The following DDX5 variants were observed in gnomAD, a reference collection of about 807,000 sequenced individuals.
DDX5 encodes the protein DEAD-box helicase 5.
Under a neutral mutation model 68.6 loss-of-function variants are expected in DDX5, and 6 were observed. That is an observed-to-expected ratio of 0.09 (90% CI 0.05 to 0.17). The LOEUF (loss-of-function observed/expected upper bound fraction) is 0.17. Ranked by LOEUF, DDX5 falls within the 10% of genes least tolerant of loss-of-function variation. DDX5 has a pLI of 1.00. For missense variants in DDX5, 499 were observed against 756.1 expected (o/e 0.66, Z 3.99); for synonymous variants, 350 against 247.0 (o/e 1.42, Z -3.91).
rs764832780 is a variant in DDX5 at position 64,502,559 on chromosome 17, GGAGA to G, written c.984-14_984-11del. The G allele has an allele frequency of 4.2e-4, 668 of 1,585,394 alleles. 3 individuals are homozygous for G. The highest frequency in any genetic ancestry group is 5.4e-4 in the Non-Finnish European group (623 of 1,156,756). The stretch of plus-strand genomic sequence containing the variant: ...CATTAGACGAATAAGTCTAATAATA[GGAGA>G]GAGAAAGGAAAAATCCTGAGTTTTA... On this transcript the variant is annotated splice_polypyrimidine_tract_variant and intron_variant, in intron 8 of 12. Coordinates refer to ENST00000225792, the MANE Select transcript of DDX5 (RefSeq NM_004396.5).
In DDX5 at chr17:64,500,608, C is replaced by A. The variant is rs559742081; in HGVS notation, c.1382G>T (p.Arg461Leu). 1 of 1,614,164 alleles carries A rather than the reference C, an allele frequency of 6.2e-7. No homozygotes were observed. The highest frequency in any genetic ancestry group is 8.5e-7 in the Non-Finnish European group (1 of 1,180,038). ...GGGATTAATTGCTTGATTAGCTTCA[C>A]GAAGCACAGAGATAAGGTCGCTCAC... The part of the protein sequence containing the change: ...KQVSDLISVL[R>L]EANQAINPKL... Residue 461 changes from arginine to leucine, a missense_variant, in exon 12 of 13, where the codon CGT (arginine) becomes CTT (leucine). Transcript: ENST00000225792.
At chr17:64,505,371 A>C in intron 1 of DDX5, 5 of 433,894 alleles carry the variant, frequency 1.2e-5, no homozygotes, top group African/African-American at 4.0e-5. Context: ...ACGCCGCGGT[A>C]GAGCTCCGGA....
chr17:64,505,912 C>G (rs1302131564), intron 1 of DDX5, 164 bp downstream of exon 1: 19 of 1,534,356 alleles, frequency 1.2e-5, no homozygotes, highest in Non-Finnish European at 1.7e-5. Flanking sequence ...CTCTTCCAAT[C>G]ACTGTGACGT....
chr17:64,501,961 A>T, intron 11 of DDX5, 49 bp downstream of exon 11: 1 of 1,574,644 alleles, frequency 6.4e-7, no homozygotes, highest in Non-Finnish European at 8.7e-7. Flanking sequence ...AAAAAAGTTA[A>T]ATGGAGATCT....
At chr17:64,506,616 C>G, upstream of DDX5, 2 of 397,596 alleles carry the variant, frequency 5.0e-6, no homozygotes, top group South Asian at 2.7e-5. Flanking sequence ...TCCAAAGAGC[C>G]CTCACGTCTG....
chr17:64,505,571 C>A, intron 1 of DDX5: 2 of 684,628 alleles, frequency 2.9e-6, no homozygotes, highest in South Asian at 1.7e-5. Flanking sequence ...CTCCGCCGGG[C>A]GGGGTAACAA....
In DDX5 at chr17:64,503,190, T is replaced by G; in HGVS notation, c.808A>C (p.Arg270=). ...CACATATTTCAAAGGACACTTACTC[T>G]TATTTGATCCACAATCTTCCTTATT... is the stretch of plus-strand genomic sequence containing the variant. ...PQIRKIVDQI[R]PDRQTLMWSA... is the part of the protein sequence containing the mutation. The change falls in exon 7 of 13, where the codon AGA becomes CGA. Residue 270 remains arginine (R), a splice_region_variant and synonymous_variant. Coordinates refer to ENST00000225792, the MANE Select transcript of DDX5 (RefSeq NM_004396.5). The G allele has an allele frequency of 6.2e-7, 1 of 1,614,110 alleles. No individual in the cohort carries two copies. Among genetic ancestry groups the G allele is most frequent in the Non-Finnish European group, 8.5e-7 (1 of 1,179,984 alleles).
At chr17:64,506,427 C>T (rs9905185), upstream of DDX5, 1,200 of 1,366,552 alleles carry the variant, frequency 8.8e-4, 24 homozygotes, top group East Asian at 0.034. Context: ...CCAGGATCGC[C>T]GCGCTTTCAC....
intron 2 of DDX5, 158 bp from the exon 3 acceptor site, chr17:64,504,476 A>T (rs77469032): frequency 2.0e-5 from 18 of 911,012 alleles, no homozygotes; most frequent in Non-Finnish European, 2.9e-5. Context: ...GAAAAAAAAA[A>T]TTTATTGTTA....
intron 1 of DDX5, 164 bp from the exon 2 acceptor site, chr17:64,505,006 A>G: frequency 1.7e-6 from 1 of 589,474 alleles, no homozygotes; most frequent in Non-Finnish European, 2.8e-6. Flanking sequence ...CAACAGCCAC[A>G]GTTAACATTT....
At chr17:64,504,167 AG>A (rs782345449) in intron 3 of DDX5, 51 bp from the exon 4 acceptor site, 3 of 1,612,558 alleles carry the variant, frequency 1.9e-6, no homozygotes, top group South Asian at 1.1e-5. Flanking sequence ...CAAGAAAAAG[AG>A]GGGGTAGGTG....
At chr17:64,506,035 C>T (rs575772696) in intron 1 of DDX5, 41 bp downstream of exon 1, 2 of 1,300,208 alleles carry the variant, frequency 1.5e-6, no homozygotes, top group African/African-American at 3.0e-5. Flanking sequence ...CCCTCCCATC[C>T]CCCCACCCGC....
Position 64,504,125 on chromosome 17 carries a change from AG to A in DDX5, c.308-10del. On this transcript the variant is annotated splice_polypyrimidine_tract_variant and intron_variant, in intron 3 of 12. Coordinates refer to ENST00000225792, the MANE Select transcript of DDX5 (RefSeq NM_004396.5). ...AACATCCATGACATTTGCTATAATTAGTAACAGATATTTAGTAAAAATTAGT... is the reference window on the plus strand; with the variant it reads ...AACATCCATGACATTTGCTATAATTATAACAGATATTTAGTAAAAATTAGT... The A allele has an allele frequency of 6.2e-7, 1 of 1,614,050 alleles. No individual in the cohort carries two copies. Among genetic ancestry groups the A allele is most frequent in the Non-Finnish European group, 8.5e-7 (1 of 1,179,898 alleles).
Position 64,500,549 on chromosome 17 carries a change from C to A in DDX5, c.1441G>T (p.Gly481Cys). 1 of 1,612,492 alleles carries A rather than the reference C, an allele frequency of 6.2e-7. No individual in the cohort carries two copies. The highest frequency in any genetic ancestry group is 8.5e-7 in the Non-Finnish European group (1 of 1,179,028). ...LLQLVEDRGSGRSRGRGGMKD... is the reference protein window; with the variant it reads ...LLQLVEDRGSCRSRGRGGMKD... ...AACATTTCCTATCAGTCATCCTTAC[C>A]TGAACCTCTGTCTTCGACCAACTGA... The change falls in exon 12 of 13, where the codon GGT becomes TGT. Residue 481 changes from glycine (G) to cysteine (C), a missense_variant and splice_region_variant. Gly to Cys is a radical substitution (Grantham distance 159). Transcript: ENST00000225792.
Position 64,500,120 on chromosome 17 carries a change from C to T in DDX5, c.1648G>A (p.Val550Met), listed in dbSNP as rs782807438. 1.2e-6 allele frequency: 2 copies of T among 1,614,208 alleles called. No individual in the cohort carries two copies. Among genetic ancestry groups the T allele is most frequent in the South Asian group, 1.1e-5 (1 of 91,078 alleles). The change falls in exon 13 of 13, where the codon GTG (valine) becomes ATG (methionine). Residue 550 changes from valine to methionine, a missense_variant. Physicochemically the swap from Val to Met is conservative, Grantham distance 21 (BLOSUM62 1). Transcript: ENST00000225792. Reference protein sequence around the residue: ...YTNGSFGSNFVSAGIQTSFRT... With the variant: ...YTNGSFGSNFMSAGIQTSFRT... ...AAACTGGTCTGTATACCAGCAGACACAAAATTACTTCCAAAGCTCCCATTG... is the reference window on the plus strand; with the variant it reads ...AAACTGGTCTGTATACCAGCAGACATAAAATTACTTCCAAAGCTCCCATTG...
Position 64,498,858 on chromosome 17 carries a change from A to C in DDX5, c.*1065T>G, listed in dbSNP as rs2038222892. Among the ~76,000 whole-genome samples the C allele has an allele frequency of 6.6e-6, 1 of 152,200 alleles. No homozygotes were observed. The highest frequency in any genetic ancestry group is 1.5e-5 in the Non-Finnish European group (1 of 68,034). On this transcript the variant is annotated 3_prime_UTR_variant, in exon 13 of 13. Transcript: ENST00000225792. ...AAACCCATGTTGAACCTACCATGAA[A>C]ACTTTCATTCACTGTGCTTTTGGTT...
chr17:64,504,834 G>C lies in DDX5; in HGVS notation c.53C>G (p.Ala18Gly). The C allele has an allele frequency of 6.3e-7, 1 of 1,596,450 alleles. No individual in the cohort carries two copies. Among genetic ancestry groups the C allele is most frequent in the Non-Finnish European group, 8.5e-7 (1 of 1,175,278 alleles). Reference protein sequence around the residue: ...RDRGRDRGFGAPRFGGSRAGP... With the variant: ...RDRGRDRGFGGPRFGGSRAGP... Reference sequence around the variant, plus strand: ...TGCCCTACTTCCTCCAAATCGAGGTGCACCAAACCTGGAATGAAAAAAAAC... The same window carrying C: ...TGCCCTACTTCCTCCAAATCGAGGTCCACCAAACCTGGAATGAAAAAAAAC... The change falls in exon 2 of 13, where the codon GCA (alanine) becomes GGA (glycine). Residue 18 changes from alanine (A) to glycine (G), a missense_variant. Ala to Gly is a moderately conservative substitution (Grantham distance 60, BLOSUM62 0). This residue lies in a region of DDX5 where 140 missense variants were observed against 135.7 expected (regional missense o/e 1.03). Coordinates refer to ENST00000225792, the MANE Select transcript of DDX5 (RefSeq NM_004396.5).
rs370378223 is a variant in DDX5 at position 64,502,943 on chromosome 17, G to C, written c.966C>G (p.Asp322Glu). ...NILQIVDVCH[D>E]VEKDEKLIRL... is the part of the protein sequence containing the mutation. ...AAACTTACTTTTCATCCTTTTCTACGTCATGACACACATCCACAATCTGAA... is the reference window on the plus strand; with the variant it reads ...AAACTTACTTTTCATCCTTTTCTACCTCATGACACACATCCACAATCTGAA... Residue 322 changes from aspartate (D) to glutamate (E), a missense_variant, in exon 8 of 13, where the codon GAC (aspartate) becomes GAG (glutamate). Physicochemically the swap from Asp to Glu is conservative, Grantham distance 45 (BLOSUM62 2). This residue lies in a region of DDX5 where 141 missense variants were observed against 279.8 expected (regional missense o/e 0.50). Coordinates refer to ENST00000225792, the MANE Select transcript of DDX5 (RefSeq NM_004396.5). 7 of 1,594,774 alleles carry C rather than the reference G, an allele frequency of 4.4e-6. No homozygotes were observed. The Admixed American group carries it at 1.2e-4, about 28-fold the overall frequency.
intron 2 of DDX5, 22 bp downstream of exon 2, chr17:64,504,655 G>GA (rs782785946): frequency 4.1e-5 from 65 of 1,588,900 alleles, no homozygotes; most frequent in Non-Finnish European, 5.5e-5. Flanking sequence ...ACAGCCTGAT[G>GA]AAGCCACATG....
Sources: gnomAD v4.1 joint callset for allele counts (sites outside exome capture counted in the v4.1 genomes callset) on GRCh38, gnomAD v4.1.1 for gene constraint, gnomAD v4.1.1 regional missense constraint, MANE v1.5 for transcripts, NCBI Gene and HGNC (gene_info 2026-07-23, HGNC 2026-07-21) for gene names.